ANKRD28: variants seen among roughly 807,000 people sequenced by gnomAD.
ANKRD28 encodes the protein ankyrin repeat domain 28.
A neutral mutation model predicts 126.5 loss-of-function variants in ANKRD28; 44 were observed. The observed-to-expected ratio is 0.35, with a 90% CI of 0.27 to 0.45. ANKRD28 has a LOEUF of 0.45. ANKRD28 is among the 20% of genes least tolerant of loss of function. The probability of loss-of-function intolerance (pLI) is 1.00; values close to 1 mark genes in which losing one functional copy is unlikely to be tolerated. For missense variants in ANKRD28, 1,110 were observed against 1,316.6 expected (o/e 0.84, Z 2.43); for synonymous variants, 442 against 468.5 (o/e 0.94, Z 0.73).
At chr3:15,740,100 T>C (rs2075339863) in intron 4 of ANKRD28, among the ~76,000 whole-genome samples, 1 of 152,168 alleles carries the variant, frequency 6.6e-6, no homozygotes, top group Admixed American at 6.5e-5. Context: ...CATGGATAAA[T>C]CTCAAAAACG....
At chr3:15,856,883 C>G (rs11128763) in intron 1 of ANKRD28, among the ~76,000 whole-genome samples, 110,044 of 152,140 alleles carry the variant, frequency 0.72, 40,016 homozygotes, top group East Asian at 0.93. Context: ...AGGTGAACAG[C>G]GAAACAGACC....
chr3:15,812,997 C>G lies in ANKRD28; in HGVS notation c.28-17691G>C, dbSNP rs1056468375. ...AATCTACCCCTATCCTATCAGAAAA[C>G]AGATGAATAAAATCTGCAGTTTCCA... On this transcript the variant is annotated intron_variant, in intron 1 of 27. Coordinates refer to the ANKRD28 transcript ENST00000399451. The surrounding 1 kb of genome is among the most constrained non-coding windows in gnomAD (Gnocchi z 4.1). Among the ~76,000 whole-genome samples, 1 of 150,996 alleles carries G rather than the reference C, an allele frequency of 6.6e-6. No homozygotes were observed. Among genetic ancestry groups the G allele is most frequent in the African/African-American group, 2.4e-5 (1 of 41,032 alleles).
intron 4 of ANKRD28, among the ~76,000 whole-genome samples, chr3:15,749,363 C>G (rs189779439): frequency 6.6e-6 from 1 of 151,936 alleles, no homozygotes; most frequent in African/African-American, 2.4e-5. Flanking sequence ...CCACCCGCCT[C>G]GGCCTCCCAA....
intron 1 of ANKRD28, among the ~76,000 whole-genome samples, chr3:15,811,137 G>C (rs1334700189): frequency 1.3e-5 from 2 of 152,176 alleles, no homozygotes; most frequent in Non-Finnish European, 2.9e-5. Context: ...CACCAGACTG[G>C]AGAAACAAGG....
At position 15,677,501 on chromosome 3, in the gene ANKRD28, G is replaced by A. The variant is rs1396871830; in HGVS notation, c.2769C>T (p.Ala923=). The change falls in exon 25 of 28, where the codon GCC becomes GCT. Residue 923 remains alanine (A), a synonymous_variant. Coordinates refer to ENST00000683139, the MANE Select transcript of ANKRD28 (RefSeq NM_001349278.2). ...ATACCTTGCTACAAGCCAAATGGAGGGCAGTATTTTTACTGTTATCTTGTA... is the reference window on the plus strand; with the variant it reads ...ATACCTTGCTACAAGCCAAATGGAGAGCAGTATTTTTACTGTTATCTTGTA... The part of the protein sequence containing the change: ...LTLQDNSKNT[A]LHLACSKGHE... 6.2e-7 allele frequency: 1 copy of A among 1,612,284 alleles called. No individual in the cohort carries two copies. The highest frequency in any genetic ancestry group is 2.2e-5 in the East Asian group (1 of 44,798).
intron 6 of ANKRD28, among the ~76,000 whole-genome samples, chr3:15,726,263 T>C (rs1328389711): frequency 2.6e-5 from 4 of 152,286 alleles, no homozygotes; most frequent in African/African-American, 4.8e-5. Flanking sequence ...GAAAGGCATG[T>C]TGAAACGTGA....
chr3:15,844,290 A>G lies in ANKRD28; in HGVS notation c.27+15087T>C, dbSNP rs150054847. Among the ~76,000 whole-genome samples the G allele has an allele frequency of 3.5e-3, 529 of 152,300 alleles. 2 individuals carry two copies. Among genetic ancestry groups the G allele is most frequent in the African/African-American group, 0.012 (510 of 41,572 alleles). Reference sequence around the variant, plus strand: ...ACTTCAGAAAACACTATTATACATAATGTTGCTCAAATCACAAGGTCAAGA... The same window carrying G: ...ACTTCAGAAAACACTATTATACATAGTGTTGCTCAAATCACAAGGTCAAGA... On this transcript the variant is annotated intron_variant, in intron 1 of 27. Coordinates refer to the ANKRD28 transcript ENST00000399451.
Position 15,712,213 on chromosome 3 carries a change from T to C in ANKRD28, c.1200A>G (p.Ile400Met). Residue 400 changes from isoleucine (I) to methionine (M), a missense_variant, in exon 11 of 28, where the codon ATA becomes ATG. By Grantham distance (10) the Ile-to-Met change is conservative. Coordinates refer to ENST00000683139, the MANE Select transcript of ANKRD28 (RefSeq NM_001349278.2). ...CCAAATGGAGGGGGAACATTCCATG[T>C]ATGCCACGCCTAAAGTTAATAGAAC... is the stretch of plus-strand genomic sequence containing the variant. Reference protein sequence around the residue: ...TSGADTAKRGIHGMFPLHLAA... With the variant: ...TSGADTAKRGMHGMFPLHLAA... The C allele has an allele frequency of 6.3e-7, 1 of 1,579,812 alleles. No homozygotes were observed. The highest frequency in any genetic ancestry group is 8.6e-7 in the Non-Finnish European group (1 of 1,162,078).
intron 2 of ANKRD28, among the ~76,000 whole-genome samples, chr3:15,768,908 T>C (rs1559500821): frequency 2.0e-5 from 3 of 152,208 alleles, no homozygotes; most frequent in Non-Finnish European, 4.4e-5. Flanking sequence ...CAGAATGCTC[T>C]ACACAGAAAT....
intron 2 of ANKRD28, among the ~76,000 whole-genome samples, chr3:15,786,544 G>T (rs377064249): frequency 1.3e-5 from 2 of 152,070 alleles, no homozygotes; most frequent in East Asian, 3.9e-4. Flanking sequence ...CTTGACTGTG[G>T]TGATGGTTTC....
intron 1 of ANKRD28, among the ~76,000 whole-genome samples, chr3:15,848,991 T>C (rs531791350): frequency 6.6e-6 from 1 of 152,326 alleles, no homozygotes; most frequent in East Asian, 1.9e-4. Context: ...TCAACAAAGT[T>C]GTAGGATTCA....
intron 1 of ANKRD28, among the ~76,000 whole-genome samples, chr3:15,821,708 T>C (rs1005730741): frequency 1.3e-5 from 2 of 152,216 alleles, no homozygotes; most frequent in Admixed American, 1.3e-4. Flanking sequence ...AATTTTAATT[T>C]ACTGCACACC....
At chr3:15,717,119 A>G (rs2073166251) in intron 8 of ANKRD28, among the ~76,000 whole-genome samples, 2 of 152,198 alleles carry the variant, frequency 1.3e-5, no homozygotes, top group African/African-American at 2.4e-5. Flanking sequence ...CATAGCTAAT[A>G]AGTGATGAGT....
intron 14 of ANKRD28, among the ~76,000 whole-genome samples, chr3:15,700,540 C>T (rs2070417415): frequency 6.6e-6 from 1 of 151,976 alleles, no homozygotes; most frequent in South Asian, 2.1e-4. Context: ...CTTTGAGAGG[C>T]TGAGGCGGGC....
At chr3:15,699,306 G>A (rs1220368223) in intron 14 of ANKRD28, among the ~76,000 whole-genome samples, 1 of 152,050 alleles carries the variant, frequency 6.6e-6, no homozygotes, top group South Asian at 2.1e-4. Context: ...AAAACCTAGG[G>A]CATACCATTC....
intron 1 of ANKRD28, among the ~76,000 whole-genome samples, chr3:15,849,030 C>G (rs1044916536): frequency 2.6e-5 from 4 of 152,100 alleles, no homozygotes; most frequent in African/African-American, 9.7e-5. Flanking sequence ...ACTTGTATTT[C>G]TATATATTAC....
At chr3:15,799,628 T>C (rs1447452067), upstream of ANKRD28, among the ~76,000 whole-genome samples, 2 of 152,130 alleles carry the variant, frequency 1.3e-5, no homozygotes, top group Non-Finnish European at 2.9e-5. Context: ...CAATATCCTA[T>C]ATTTCATCTT....
At chr3:15,766,140 C>T (rs2058725173) in intron 3 of ANKRD28, 94 bp downstream of exon 3, 4 of 881,154 alleles carry the variant, frequency 4.5e-6, no homozygotes, top group Admixed American at 2.6e-5. Flanking sequence ...ATATGAACAA[C>T]AGGCCATGCA....
At position 15,696,202 on chromosome 3, in the gene ANKRD28, G is replaced by A. The variant is rs779113898; in HGVS notation, c.1591C>T (p.Arg531Cys). The A allele has an allele frequency of 2.1e-5, 33 of 1,591,740 alleles. No homozygotes were observed. The highest frequency in any genetic ancestry group is 2.8e-5 in the Non-Finnish European group (33 of 1,166,962). The change falls in exon 15 of 28, where the codon CGT becomes TGT. Residue 531 changes from arginine (R) to cysteine (C), a missense_variant. Physicochemically the swap from Arg to Cys is radical, Grantham distance 180. Transcript: ENST00000683139. Reference sequence around the variant, plus strand: ...ACTGCGTTGTATCCTTGCTTATCACGGATCCCTGGATTTGCATCGTTTCTT... The same window carrying A: ...ACTGCGTTGTATCCTTGCTTATCACAGATCCCTGGATTTGCATCGTTTCTT... ...LLRNDANPGI[R>C]DKQGYNAVHY...
Sources: allele counts gnomAD v4.1 joint callset (sites outside exome capture counted in the v4.1 genomes callset), GRCh38; gene constraint gnomAD v4.1.1; non-coding constraint Gnocchi (gnomAD v3.1); transcripts MANE v1.5; gene names NCBI Gene and HGNC (gene_info 2026-07-23, HGNC 2026-07-21).